Variants in HIPK2 observed in about 807,000 individuals in gnomAD.
HIPK2 encodes homeodomain-interacting protein kinase 2.
A neutral mutation model predicts 113.7 loss-of-function variants in HIPK2; 27 were observed. The ratio of observed to expected loss-of-function variants is 0.24; its 90% CI spans 0.17 to 0.33. The LOEUF (loss-of-function observed/expected upper bound fraction) is 0.33, where lower values mean the gene tolerates loss of function less well. Among genes scored for constraint, HIPK2 ranks in the 10% least tolerant of loss-of-function variants. The pLI, the probability that HIPK2 is intolerant of heterozygous loss-of-function variation, is 1.00. For missense variants in HIPK2, 1,257 were observed against 1,588.0 expected (o/e 0.79, Z 3.54); for synonymous variants, 631 against 642.2 (o/e 0.98, Z 0.26).
chr7:139,605,847 C>T (rs1485887431), intron 9 of HIPK2, among the ~76,000 whole-genome samples: 1 of 152,202 alleles, frequency 6.6e-6, no homozygotes, highest in Non-Finnish European at 1.5e-5. Flanking sequence ...ACTTAACTCA[C>T]AGAAAGCGGA....
intron 2 of HIPK2, among the ~76,000 whole-genome samples, chr7:139,688,087 C>G (rs552304362): frequency 6.6e-6 from 1 of 152,270 alleles, no homozygotes; most frequent in South Asian, 2.1e-4. Context: ...GGACAATCCA[C>G]TGGGCCAACA....
At chr7:139,669,600 C>T (rs1284508864) in intron 2 of HIPK2, among the ~76,000 whole-genome samples, 1 of 151,240 alleles carries the variant, frequency 6.6e-6, no homozygotes, top group Non-Finnish European at 1.5e-5. Flanking sequence ...ACAGGAAATT[C>T]CCAGGTCTCA....
intron 1 of HIPK2, among the ~76,000 whole-genome samples, chr7:139,739,477 C>T (rs1424022476): frequency 6.6e-6 from 1 of 151,948 alleles, no homozygotes; most frequent in Non-Finnish European, 1.5e-5. Flanking sequence ...ATCCCAGCTA[C>T]TCGGGAGGCT....
At chr7:139,704,867 A>C (rs141212865) in intron 2 of HIPK2, among the ~76,000 whole-genome samples, 53,994 of 152,006 alleles carry the variant, frequency 0.36, 13,355 homozygotes, top group African/African-American at 0.7. Flanking sequence ...CCTGGGCCAG[A>C]AGCAGCAGCC....
intron 2 of HIPK2, among the ~76,000 whole-genome samples, chr7:139,689,802 C>T (rs553626550): frequency 6.6e-6 from 1 of 152,256 alleles, no homozygotes; most frequent in South Asian, 2.1e-4. Flanking sequence ...CTGGAGACTT[C>T]TAACTCCAAA....
In HIPK2 at chr7:139,630,377, T is replaced by C. The variant is rs764771015; in HGVS notation, c.1347+788A>G. Reference sequence around the variant, plus strand: ...CCCCAGCCGCCACCCCACACTTCTATACTGGGCAAACCCGCTTCATTCTTC... The same window carrying C: ...CCCCAGCCGCCACCCCACACTTCTACACTGGGCAAACCCGCTTCATTCTTC... On this transcript the variant is annotated intron_variant, in intron 4 of 14. Coordinates refer to ENST00000406875, the MANE Select transcript of HIPK2 (RefSeq NM_022740.5). This position sits in a 1 kb window ranked among gnomAD's most constrained non-coding sequence, Gnocchi z 4.0. Among the ~76,000 whole-genome samples the C allele has an allele frequency of 2.0e-5, 3 of 152,194 alleles. No individual in the cohort carries two copies. Among genetic ancestry groups the C allele is most frequent in the Non-Finnish European group, 4.4e-5 (3 of 68,000 alleles).
chr7:139,614,181 G>A (rs991893906), intron 8 of HIPK2, 105 bp downstream of exon 8: 2 of 1,069,708 alleles, frequency 1.9e-6, no homozygotes, highest in Middle Eastern at 3.4e-4. Context: ...GAAATGAGGA[G>A]GGCCTTTCTC....
intron 2 of HIPK2, among the ~76,000 whole-genome samples, chr7:139,689,467 C>T (rs974947921): frequency 3.3e-5 from 5 of 152,184 alleles, no homozygotes; most frequent in Admixed American, 2.6e-4. Context: ...TCTTGTGAAA[C>T]AGCCCAGAAT....
At chr7:139,736,491 C>T (rs563481619) in intron 1 of HIPK2, among the ~76,000 whole-genome samples, 7 of 152,262 alleles carry the variant, frequency 4.6e-5, no homozygotes, top group Admixed American at 6.5e-5. Flanking sequence ...CACAGCAGGA[C>T]GCGGAGAGCA....
intron 1 of HIPK2, among the ~76,000 whole-genome samples, chr7:139,770,698 G>A (rs1796635992): frequency 6.6e-6 from 1 of 152,190 alleles, no homozygotes; most frequent in South Asian, 2.1e-4. Context: ...TTCTTTTTGT[G>A]ACAAAGGTTT....
intron 13 of HIPK2, among the ~76,000 whole-genome samples, chr7:139,577,211 C>T (rs1383392667): frequency 5.3e-5 from 7 of 132,472 alleles, no homozygotes; most frequent in South Asian, 2.4e-4. Context: ...TGCAATGGTG[C>T]GATCTCGGCT....
rs1412383013 is a variant in HIPK2, at chr7:139,567,476, G to A, written c.*5451C>T. The A allele has an allele frequency of 6.6e-6, 1 of 152,090 alleles. No homozygotes were observed. The highest frequency in any genetic ancestry group is 2.4e-5 in the African/African-American group (1 of 41,404). 9.4% of individuals were successfully genotyped at this position (152,090 alleles called of 1,614,324 possible). ...TCACTAATGATGTCATTATTGCCTG[G>A]AAAGGAACGAAGGGAAGGCCATTTT... On this transcript the variant is annotated 3_prime_UTR_variant, in exon 15 of 15. Coordinates refer to ENST00000406875, the MANE Select transcript of HIPK2 (RefSeq NM_022740.5).
intron 13 of HIPK2, among the ~76,000 whole-genome samples, chr7:139,576,543 G>A (rs563769608): frequency 2.6e-5 from 4 of 152,330 alleles, no homozygotes; most frequent in East Asian, 3.9e-4. Context: ...GGGGAGCCAG[G>A]AGCCTCTTCA....
intron 1 of HIPK2, among the ~76,000 whole-genome samples, chr7:139,723,888 T>C (rs914720700): frequency 6.6e-5 from 10 of 152,200 alleles, no homozygotes; most frequent in Admixed American, 1.3e-4. Flanking sequence ...GTTATATTAT[T>C]CAAGAGAATG....
At position 139,613,133 on chromosome 7, in the gene HIPK2, T is replaced by A; in HGVS notation, c.2112+69A>T. 1.3e-6 allele frequency: 2 copies of A among 1,577,232 alleles called. No individual in the cohort carries two copies. The highest frequency in any genetic ancestry group is 1.7e-6 in the Non-Finnish European group (2 of 1,154,724). Reference sequence around the variant, plus strand: ...ACTAGGGAGAGAGGGAGTGGAGATATATATCTTTTGTGAACAACATTAACA... The same window carrying A: ...ACTAGGGAGAGAGGGAGTGGAGATAAATATCTTTTGTGAACAACATTAACA... On this transcript the variant is annotated intron_variant, in intron 9 of 14. Transcript: ENST00000406875. The surrounding 1 kb of genome is among the most constrained non-coding windows in gnomAD (Gnocchi z 4.2).
Position 139,631,196 on chromosome 7 carries a change from G to A in HIPK2, c.1316C>T (p.Thr439Met), listed in dbSNP as rs767943877. The A allele has an allele frequency of 1.5e-5, 25 of 1,613,412 alleles. No homozygotes were observed. Among genetic ancestry groups the A allele is most frequent in the Admixed American group, 1.0e-4 (6 of 59,980 alleles). The change falls in exon 4 of 15, where the codon ACG (threonine) becomes ATG (methionine). Residue 439 changes from threonine to methionine, a missense_variant. Thr to Met is a moderately conservative substitution (Grantham distance 81). Transcript: ENST00000406875. This position sits in a 1 kb window ranked among gnomAD's most constrained non-coding sequence, Gnocchi z 4.9. ...TKTTRFFNRD[T>M]DSPYPLWRLK... ...TCTCCACAAAGGATATGGTGAGTCC[G>A]TGTCACGGTTGAAAAACCTAGTTGT...
intron 9 of HIPK2, among the ~76,000 whole-genome samples, chr7:139,606,466 A>G (rs1799618931): frequency 6.6e-6 from 1 of 152,262 alleles, no homozygotes; most frequent in African/African-American, 2.4e-5. Context: ...ATACAGATTC[A>G]TAAGGGCAAA....
chr7:139,647,746 A>T lies in HIPK2; in HGVS notation c.1104-16021T>A, dbSNP rs115598555. 2.7e-3 allele frequency among the ~76,000 whole-genome samples: 403 copies of T among 151,966 alleles called. 1 individual carries two copies. Among genetic ancestry groups the T allele is most frequent in the African/African-American group, 8.9e-3 (369 of 41,276 alleles). On this transcript the variant is annotated intron_variant, in intron 2 of 14. Coordinates refer to ENST00000406875, the MANE Select transcript of HIPK2 (RefSeq NM_022740.5). ...CTAGGGAGATTTTGAAAATTCAATT[A>T]AAAAAAACCCATAAGCAATTAAACC...
At chr7:139,759,937 G>T (rs1341425041) in intron 1 of HIPK2, among the ~76,000 whole-genome samples, 1 of 151,522 alleles carries the variant, frequency 6.6e-6, no homozygotes, top group East Asian at 1.9e-4. Context: ...AATATCAAAA[G>T]AAATGTAGAG....
Sources: gnomAD v4.1 joint callset for allele counts (sites outside exome capture counted in the v4.1 genomes callset) on GRCh38, gnomAD v4.1.1 for gene constraint, Gnocchi (gnomAD v3.1) non-coding constraint, MANE v1.5 for transcripts, NCBI Gene and HGNC (gene_info 2026-07-23, HGNC 2026-07-21) for gene names.